DIP2C: variants seen among roughly 807,000 people sequenced by gnomAD.
DIP2C encodes the protein DIP2 acetate--CoA ligase C (putative), also known as disco-interacting protein 2 homolog C.
DIP2C carries 33 observed loss-of-function variants against 192.4 expected under a neutral mutation model. The observed-to-expected ratio is 0.17, with a 90% confidence interval of 0.13 to 0.23. The LOEUF is 0.23. Ranked by LOEUF, DIP2C falls within the 10% of genes least tolerant of loss-of-function variation. The pLI is 1.00. For synonymous variants in DIP2C, 979 were observed against 864.1 expected (o/e 1.13, Z -2.33); for missense variants, 1,537 against 2,110.1 (o/e 0.73, Z 5.32).
At chr10:650,273 C>A in intron 1 of DIP2C, 1 of 716,904 alleles carries the variant, frequency 1.4e-6, no homozygotes, top group Non-Finnish European at 2.6e-6. Context: ...GGTGACACAG[C>A]ACTGGATGCG....
rs572842581 is a variant in DIP2C, at chr10:290,074, T to C, written c.3987-1653A>G. 3.9e-5 allele frequency among the ~76,000 whole-genome samples: 6 copies of C among 152,318 alleles called. No homozygotes were observed. In the South Asian group the frequency reaches 1.0e-3, roughly 26 times the overall value. On this transcript the variant is annotated intron_variant, in intron 32 of 36. Coordinates refer to ENST00000280886, the MANE Select transcript of DIP2C (RefSeq NM_014974.3). ...GGAAGGCCAGCAGCACTTTCTCCTCTGCGGGAGAACAGAGAGGAGACGCTG... is the reference window on the plus strand; with the variant it reads ...GGAAGGCCAGCAGCACTTTCTCCTCCGCGGGAGAACAGAGAGGAGACGCTG...
In DIP2C at chr10:333,354, C is replaced by T. The variant is rs573960673; in HGVS notation, c.3585-3753G>A. ...CATTCCCATCACCTGAAAGGGATCC[C>T]GTGTCCATCTGCAGTCAGTCCCATT... On this transcript the variant is annotated intron_variant, in intron 29 of 36. Transcript: ENST00000280886. Among the ~76,000 whole-genome samples the T allele has an allele frequency of 2.0e-5, 3 of 152,316 alleles. No individual in the cohort carries two copies. The South Asian group carries it at 6.2e-4, about 32-fold the overall frequency.
chr10:508,289 T>C (rs1164324238), intron 1 of DIP2C, among the ~76,000 whole-genome samples: 1 of 152,158 alleles, frequency 6.6e-6, no homozygotes, highest in Non-Finnish European at 1.5e-5. Context: ...CAGAGCAGCA[T>C]CTCCGGTGCC....
intron 1 of DIP2C, among the ~76,000 whole-genome samples, chr10:494,287 G>A (rs1339068895): frequency 6.6e-6 from 1 of 152,200 alleles, no homozygotes; most frequent in East Asian, 1.9e-4. Flanking sequence ...ACCCCAGGAG[G>A]AGGACATCTC....
intron 1 of DIP2C, among the ~76,000 whole-genome samples, chr10:608,149 C>A (rs1564262384): frequency 3.8e-5 from 3 of 79,978 alleles, no homozygotes; most frequent in African/African-American, 2.1e-4. Context: ...ACAGCCCCCC[C>A]ACACACACCC....
intron 1 of DIP2C, among the ~76,000 whole-genome samples, chr10:496,811 C>A (rs1032453281): frequency 1.3e-5 from 2 of 152,114 alleles, no homozygotes; most frequent in Admixed American, 6.5e-5. Flanking sequence ...ACAGAACCCA[C>A]GGTGCCCTCT....
At chr10:290,826 A>C (rs1039779522) in intron 32 of DIP2C, among the ~76,000 whole-genome samples, 1 of 152,150 alleles carries the variant, frequency 6.6e-6, no homozygotes, top group Admixed American at 6.5e-5. Flanking sequence ...CACCATCTCC[A>C]TTTCTGCGGC....
At chr10:608,054 C>T (rs964714983) in intron 1 of DIP2C, among the ~76,000 whole-genome samples, 2 of 151,204 alleles carry the variant, frequency 1.3e-5, no homozygotes, top group African/African-American at 2.4e-5. Context: ...CACAAATGTT[C>T]ATCAGCAAAT....
intron 1 of DIP2C, among the ~76,000 whole-genome samples, chr10:532,327 C>G (rs1032288672): frequency 6.6e-6 from 1 of 152,150 alleles, no homozygotes; most frequent in Non-Finnish European, 1.5e-5. Context: ...CCTTAAGCCA[C>G]TCCCTCTCTC....
chr10:417,504 TC>T (rs1261535070), intron 6 of DIP2C, among the ~76,000 whole-genome samples: 21 of 152,262 alleles, frequency 1.4e-4, no homozygotes, highest in African/African-American at 5.1e-4. Context: ...GCACTGGCAA[TC>T]AGGGCGATTT....
At chr10:576,841 A>C (rs948005114) in intron 1 of DIP2C, among the ~76,000 whole-genome samples, 1 of 152,126 alleles carries the variant, frequency 6.6e-6, no homozygotes, top group Non-Finnish European at 1.5e-5. Flanking sequence ...TGGGAGGTGG[A>C]GGAGGTTGTA....
intron 1 of DIP2C, chr10:665,661 A>G (rs1200680650): frequency 6.6e-6 from 1 of 152,238 alleles, no homozygotes; most frequent in Non-Finnish European, 1.5e-5. Context: ...ATCGTCCTCC[A>G]CCCTCCAGAA....
chr10:289,247 C>A (rs1955345146), intron 32 of DIP2C, among the ~76,000 whole-genome samples: 1 of 148,272 alleles, frequency 6.7e-6, no homozygotes, highest in Admixed American at 6.8e-5. Flanking sequence ...TCCTGAGACA[C>A]CCTTCCTACC....
intron 31 of DIP2C, among the ~76,000 whole-genome samples, chr10:324,270 C>T (rs1957165609): frequency 6.6e-6 from 1 of 152,236 alleles, no homozygotes; most frequent in Admixed American, 6.5e-5. Context: ...CATAGGCTGA[C>T]ATGAGCCCCT....
At position 478,396 on chromosome 10, in the gene DIP2C, G is replaced by A. The variant is rs10904314; in HGVS notation, c.158-5847C>T. On this transcript the variant is annotated intron_variant, in intron 2 of 36. Coordinates refer to ENST00000280886, the MANE Select transcript of DIP2C (RefSeq NM_014974.3). ...GGGGAGGGGAGGGGGGGAGGGGAGG[G>A]GCAGACGGGGAGGGCATGCTGGGGG... is the stretch of plus-strand genomic sequence containing the variant. 2.1e-4 allele frequency among the ~76,000 whole-genome samples: 5 copies of A among 23,618 alleles called. 1 individual carries two copies. The highest frequency in any genetic ancestry group is 0.014 in the East Asian group (1 of 74). 15.5% of individuals were successfully genotyped at this position (23,618 alleles called of 152,430 possible).
chr10:629,450 C>T (rs1274041040), intron 1 of DIP2C, among the ~76,000 whole-genome samples: 1 of 152,210 alleles, frequency 6.6e-6, no homozygotes, highest in Non-Finnish European at 1.5e-5. Flanking sequence ...AGCGGCAGGA[C>T]CCAGGGTTTC....
intron 1 of DIP2C, among the ~76,000 whole-genome samples, chr10:507,261 CG>C (rs1845668314): frequency 6.6e-6 from 1 of 150,674 alleles, no homozygotes; most frequent in Non-Finnish European, 1.5e-5. Context: ...CCTGGTCACC[CG>C]CTGTGTCCAA....
intron 2 of DIP2C, among the ~76,000 whole-genome samples, chr10:473,869 T>C (rs1970848271): frequency 6.6e-6 from 1 of 152,224 alleles, no homozygotes; most frequent in South Asian, 2.1e-4. Flanking sequence ...TTCATATTCC[T>C]TACTCTGGTG....
At chr10:512,905 G>C (rs1846106399) in intron 1 of DIP2C, among the ~76,000 whole-genome samples, 1 of 129,846 alleles carries the variant, frequency 7.7e-6, no homozygotes, top group Non-Finnish European at 1.5e-5. Flanking sequence ...GGTGACAACA[G>C]CGAGACCCCA....
Sources: gnomAD v4.1 joint callset for allele counts (sites outside exome capture counted in the v4.1 genomes callset) on GRCh38, gnomAD v4.1.1 for gene constraint, MANE v1.5 for transcripts, NCBI Gene and HGNC (gene_info 2026-07-23, HGNC 2026-07-21) for gene names.